CCDC30: variants seen among roughly 807,000 people sequenced by gnomAD.
The protein encoded by CCDC30 is coiled-coil domain containing 30.
In CCDC30, 70 loss-of-function variants were observed where a neutral mutation model predicts 100.2. The observed-to-expected ratio is 0.70, with a 90% CI of 0.58 to 0.85. The LOEUF (loss-of-function observed/expected upper bound fraction) is 0.85. CCDC30 is among the 40% of genes least tolerant of loss of function. CCDC30 has a pLI of 0.00. For missense variants in CCDC30, 652 were observed against 771.2 expected, an observed-to-expected ratio of 0.85 and a Z score of 1.83; for synonymous variants, 233 against 269.5, an observed-to-expected ratio of 0.86 and a Z score of 1.33.
intron 10 of CCDC30, among the ~76,000 whole-genome samples, chr1:42,608,505 C>T (rs909394588): frequency 9.9e-5 from 15 of 151,980 alleles, no homozygotes; most frequent in African/African-American, 2.4e-4. Context: ...ATCGAGACCA[C>T]CCTGGCTAAC....
At chr1:42,603,018 A>G (rs1327408058) in intron 10 of CCDC30, among the ~76,000 whole-genome samples, 1 of 152,246 alleles carries the variant, frequency 6.6e-6, no homozygotes, top group Admixed American at 6.5e-5. Context: ...GCTAAAAAGG[A>G]AAATCACATG....
chr1:42,581,067 TG>T, intron 8 of CCDC30: 6 of 375,570 alleles, frequency 1.6e-5, no homozygotes, highest in Non-Finnish European at 3.0e-5. Context: ...CTCGAACTCC[TG>T]AGGCTCAAGC....
At chr1:42,506,310 T>G (rs1644394241) in intron 6 of CCDC30, among the ~76,000 whole-genome samples, 1 of 152,202 alleles carries the variant, frequency 6.6e-6, no homozygotes. Flanking sequence ...TTTTCTCTAT[T>G]CCAATGTTAG....
intron 6 of CCDC30, among the ~76,000 whole-genome samples, chr1:42,540,383 G>C (rs112693982): frequency 0.021 from 3,150 of 152,116 alleles, 121 homozygotes; most frequent in African/African-American, 0.072. Context: ...TCATCACGTT[G>C]TACAGTTAAA....
At chr1:42,584,345 T>A (rs1646026339) in intron 9 of CCDC30, among the ~76,000 whole-genome samples, 1 of 152,170 alleles carries the variant, frequency 6.6e-6, no homozygotes, top group African/African-American at 2.4e-5. Flanking sequence ...AATCCCAGCA[T>A]GTTAGGAGGC....
chr1:42,567,451 G>T (rs1163820812), intron 7 of CCDC30, among the ~76,000 whole-genome samples: 1 of 152,102 alleles, frequency 6.6e-6, no homozygotes, highest in Non-Finnish European at 1.5e-5. Flanking sequence ...GGATAAGAAA[G>T]GTCCCTACTT....
At chr1:42,461,137 A>G (rs1643399898), upstream of CCDC30, among the ~76,000 whole-genome samples, 1 of 152,232 alleles carries the variant, frequency 6.6e-6, no homozygotes. Flanking sequence ...ATTTGACTTA[A>G]AATACAATTC....
At chr1:42,501,518 G>A (rs1644311965) in intron 6 of CCDC30, among the ~76,000 whole-genome samples, 1 of 152,240 alleles carries the variant, frequency 6.6e-6, no homozygotes, top group Non-Finnish European at 1.5e-5. Flanking sequence ...TCCTTTGGAG[G>A]AGAAGAGGTG....
chr1:42,516,264 T>C (rs966368100), intron 6 of CCDC30, among the ~76,000 whole-genome samples: 5 of 152,164 alleles, frequency 3.3e-5, no homozygotes, highest in African/African-American at 1.2e-4. Flanking sequence ...GTACTATGGT[T>C]TGGATATGGC....
At chr1:42,601,063 A>G (rs1243430216) in intron 10 of CCDC30, among the ~76,000 whole-genome samples, 1 of 152,136 alleles carries the variant, frequency 6.6e-6, no homozygotes, top group African/African-American at 2.4e-5. Flanking sequence ...ACTAATACAG[A>G]CCCTAATGGA....
intron 7 of CCDC30, among the ~76,000 whole-genome samples, chr1:42,574,396 A>C (rs2809647): frequency 0.61 from 92,751 of 151,106 alleles, 29,113 homozygotes; most frequent in East Asian, 0.81. Flanking sequence ...GAAATTTATT[A>C]ATCTTGTCTT....
At chr1:42,599,432 A>C (rs1646357643) in intron 10 of CCDC30, among the ~76,000 whole-genome samples, 1 of 152,218 alleles carries the variant, frequency 6.6e-6, no homozygotes, top group Admixed American at 6.5e-5. Context: ...AGAAAGGAGG[A>C]CAACAGAATC....
exon 8 of CCDC30, chr1:42,577,115 A>G: frequency 6.2e-7 from 1 of 1,614,142 alleles, no homozygotes; most frequent in Non-Finnish European, 8.5e-7. Context: ...GTCAGCAGAA[A>G]ATCAAGGAAC....
intron 1 of CCDC30, chr1:42,472,973 G>T (rs770362415): frequency 3.4e-6 from 2 of 584,508 alleles, no homozygotes; most frequent in Non-Finnish European, 4.7e-6. Context: ...TGTGATGAAG[G>T]TTCAGGTAGC....
At chr1:42,525,866 AAC>A (rs1644716159) in intron 6 of CCDC30, among the ~76,000 whole-genome samples, 1 of 152,094 alleles carries the variant, frequency 6.6e-6, no homozygotes, top group Non-Finnish European at 1.5e-5. Context: ...TCAGAACTCA[AAC>A]ATCTCCCAAC....
chr1:42,577,350 C>A, intron 8 of CCDC30, 121 bp downstream of exon 12: 1 of 704,592 alleles, frequency 1.4e-6, no homozygotes, highest in Non-Finnish European at 2.3e-6. Context: ...GATTTTTTTT[C>A]TCTCCCATGT....
intron 3 of CCDC30, among the ~76,000 whole-genome samples, chr1:42,489,644 G>C (rs1489115507): frequency 6.6e-6 from 1 of 152,162 alleles, no homozygotes. Flanking sequence ...CTGAAGTAGA[G>C]AGCCCAAATC....
rs570635630 is a variant in CCDC30, at chr1:42,490,118, T to C, written c.170-40T>C. On this transcript the variant is annotated intron_variant, in intron 3 of 16. Transcript: ENST00000668663. Reference sequence around the variant, plus strand: ...ATTTGAAATTTGATTATTATACTAATCATTTGTTCCTTATACAAATATTTT... The same window carrying C: ...ATTTGAAATTTGATTATTATACTAACCATTTGTTCCTTATACAAATATTTT... 2.1e-4 allele frequency: 156 copies of C among 754,912 alleles called. No individual in the cohort carries two copies. In the African/African-American group the frequency reaches 2.6e-3, roughly 13 times the overall value. The allele number at this position is 754,912 out of a possible 1,614,324, so 46.8% of individuals were successfully genotyped here.
At chr1:42,516,528 C>G (rs1262160027) in intron 6 of CCDC30, among the ~76,000 whole-genome samples, 2 of 145,300 alleles carry the variant, frequency 1.4e-5, no homozygotes, top group Non-Finnish European at 3.0e-5. Flanking sequence ...GATTGCGCCA[C>G]TGCACTGCAC....
Sources: gnomAD v4.1 joint callset for allele counts (sites outside exome capture counted in the v4.1 genomes callset) on GRCh38, gnomAD v4.1.1 for gene constraint, MANE v1.5 for transcripts, NCBI Gene and HGNC (gene_info 2026-07-23, HGNC 2026-07-21) for gene names.